PRKAG2: variants seen among roughly 807,000 people sequenced by gnomAD.
PRKAG2 encodes the protein 5'-AMP-activated protein kinase subunit gamma-2.
PRKAG2 carries 26 observed loss-of-function variants against 69.6 expected under a neutral mutation model. The observed-to-expected ratio is 0.37, with a 90% CI of 0.27 to 0.52. The LOEUF is 0.52. Ranked by LOEUF, PRKAG2 falls within the 20% of genes least tolerant of loss-of-function variation. PRKAG2 has a pLI of 0.90. For synonymous variants in PRKAG2, 293 were observed against 285.0 expected, an observed-to-expected ratio of 1.03 and a Z score of -0.28; for missense variants, 557 against 740.0, an observed-to-expected ratio of 0.75 and a Z score of 2.87.
chr7:151,651,003 A>G (rs777915088), intron 4 of PRKAG2, among the ~76,000 whole-genome samples: 17 of 152,170 alleles, frequency 1.1e-4, no homozygotes, highest in Non-Finnish European at 2.2e-4. Context: ...TTTTTTTTCA[A>G]AATGAATAAA....
At chr7:151,612,277 G>A (rs1283348861) in intron 5 of PRKAG2, among the ~76,000 whole-genome samples, 1 of 152,192 alleles carries the variant, frequency 6.6e-6, no homozygotes, top group African/African-American at 2.4e-5. Context: ...CAGAGTGAGC[G>A]TCAGCTACCA....
intron 3 of PRKAG2, among the ~76,000 whole-genome samples, chr7:151,686,516 C>T (rs540984746): frequency 6.6e-6 from 1 of 152,296 alleles, no homozygotes; most frequent in Admixed American, 6.5e-5. Flanking sequence ...GATGCCTCGT[C>T]CCCGGGTACC....
At chr7:151,753,593 G>T (rs1282898965) in intron 3 of PRKAG2, among the ~76,000 whole-genome samples, 1 of 152,030 alleles carries the variant, frequency 6.6e-6, no homozygotes, top group Non-Finnish European at 1.5e-5. Flanking sequence ...TTTAATAATT[G>T]TTTTTTTAGA....
In PRKAG2 at chr7:151,619,390, A is replaced by G. The variant is rs558167331; in HGVS notation, c.754+12679T>C. Among the ~76,000 whole-genome samples the G allele has an allele frequency of 4.6e-5, 7 of 152,332 alleles. No individual in the cohort carries two copies. In the South Asian group the frequency reaches 1.5e-3, roughly 32 times the overall value. On this transcript the variant is annotated intron_variant, in intron 5 of 15. Coordinates refer to ENST00000287878, the MANE Select transcript of PRKAG2 (RefSeq NM_016203.4). ...AACGTAAAATCCCAAATGCTCCAAA[A>G]TGCAAAACTTTCCGAGTGCCAACAC...
At chr7:151,633,405 G>A (rs1200911932) in intron 4 of PRKAG2, among the ~76,000 whole-genome samples, 1 of 151,868 alleles carries the variant, frequency 6.6e-6, no homozygotes, top group Non-Finnish European at 1.5e-5. Context: ...AGAAGTACTA[G>A]GCCCTGCAAT....
At chr7:151,766,379 C>T (rs1009306759) in intron 3 of PRKAG2, among the ~76,000 whole-genome samples, 6 of 152,120 alleles carry the variant, frequency 3.9e-5, no homozygotes, top group Admixed American at 3.3e-4. Context: ...TTGGAGTCAA[C>T]AATGGTAGGT....
intron 3 of PRKAG2, among the ~76,000 whole-genome samples, chr7:151,737,270 CT>C (rs1371275215): frequency 6.6e-6 from 1 of 150,784 alleles, no homozygotes; most frequent in African/African-American, 2.5e-5. Flanking sequence ...CTTTGGGAGG[CT>C]GAGGTGGGAG....
intron 3 of PRKAG2, among the ~76,000 whole-genome samples, chr7:151,770,195 T>A (rs2075953610): frequency 6.6e-6 from 1 of 152,200 alleles, no homozygotes; most frequent in Non-Finnish European, 1.5e-5. Flanking sequence ...CCGACCAGCA[T>A]TCCTTCCTGA....
chr7:151,782,362 AGGGAG>A lies in PRKAG2; in HGVS notation c.187-936_187-932del, dbSNP rs1563663238. On this transcript the variant is annotated intron_variant, in intron 2 of 15. Transcript: ENST00000287878. ...GAAGGAGGGAGGGAGGGAGGGAGGGAGGGAGGGAGGGAAGGAAAGAAGGAAGGAAG... is the reference window on the plus strand; with the variant it reads ...GAAGGAGGGAGGGAGGGAGGGAGGGAGGAGGGAAGGAAAGAAGGAAGGAAG... Among the ~76,000 whole-genome samples the A allele has an allele frequency of 9.5e-4, 63 of 66,042 alleles. 1 individual carries two copies. The highest frequency in any genetic ancestry group is 3.7e-3 in the South Asian group (5 of 1,344). 43.3% of individuals were successfully genotyped at this position (66,042 alleles called of 152,430 possible). A position where few individuals can be genotyped will look rare whatever the true frequency, so the allele number is the denominator to read the frequency against.
At chr7:151,650,474 C>T (rs751637682) in intron 4 of PRKAG2, among the ~76,000 whole-genome samples, 4 of 152,112 alleles carry the variant, frequency 2.6e-5, no homozygotes, top group Admixed American at 6.6e-5. Context: ...GTTCCTGTCG[C>T]TGTGTTCCTA....
chr7:151,757,689 C>T (rs910018864), intron 3 of PRKAG2, among the ~76,000 whole-genome samples: 1 of 152,200 alleles, frequency 6.6e-6, no homozygotes, highest in Non-Finnish European at 1.5e-5. Flanking sequence ...AAACCAGACT[C>T]GCCTCAAAGG....
intron 3 of PRKAG2, among the ~76,000 whole-genome samples, chr7:151,729,529 C>G (rs1025452748): frequency 6.6e-5 from 10 of 152,154 alleles, no homozygotes; most frequent in Non-Finnish European, 1.3e-4. Context: ...TCTGTCCGCA[C>G]TCCACTTGGG....
chr7:151,576,675 AT>A (rs1270248516), intron 6 of PRKAG2, among the ~76,000 whole-genome samples: 9 of 151,930 alleles, frequency 5.9e-5, no homozygotes, highest in African/African-American at 1.9e-4. Context: ...TAATTTTTGT[AT>A]TTTTGGTAGA....
chr7:151,644,402 A>T (rs1166616938), intron 4 of PRKAG2, among the ~76,000 whole-genome samples: 1 of 152,146 alleles, frequency 6.6e-6, no homozygotes, highest in Non-Finnish European at 1.5e-5. Context: ...TGTCACTATA[A>T]ATATTTCCTA....
chr7:151,800,217 G>T (rs1424961016), intron 1 of PRKAG2, among the ~76,000 whole-genome samples: 8 of 152,108 alleles, frequency 5.3e-5, no homozygotes, highest in Admixed American at 5.2e-4. Flanking sequence ...AATTAGCCAG[G>T]TGTGGTGGCG....
intron 10 of PRKAG2, among the ~76,000 whole-genome samples, chr7:151,569,896 A>G (rs1202814456): frequency 6.6e-6 from 1 of 152,180 alleles, no homozygotes; most frequent in Admixed American, 6.5e-5. Flanking sequence ...AAGCCCAGGA[A>G]TCTGCAATTT....
intron 3 of PRKAG2, among the ~76,000 whole-genome samples, chr7:151,775,935 T>C (rs1245166628): frequency 2.6e-5 from 4 of 152,142 alleles, no homozygotes; most frequent in African/African-American, 9.7e-5. Flanking sequence ...GATCCAGGAA[T>C]AGATTTCAAG....
At chr7:151,681,274 A>G (rs982707920) in intron 3 of PRKAG2, among the ~76,000 whole-genome samples, 1 of 152,214 alleles carries the variant, frequency 6.6e-6, no homozygotes, top group Non-Finnish European at 1.5e-5. Context: ...GTGGGGCTGA[A>G]TGATTCTCTA....
chr7:151,593,836 T>C (rs888215118), intron 6 of PRKAG2, among the ~76,000 whole-genome samples: 21 of 152,210 alleles, frequency 1.4e-4, no homozygotes, highest in African/African-American at 3.4e-4. Flanking sequence ...TAAAGCCAAT[T>C]TGCAAAAATC....
Sources: gnomAD v4.1 joint callset for allele counts (sites outside exome capture counted in the v4.1 genomes callset) on GRCh38, gnomAD v4.1.1 for gene constraint, MANE v1.5 for transcripts, NCBI Gene and HGNC (gene_info 2026-07-23, HGNC 2026-07-21) for gene names.